SLCO2A1: variants seen among roughly 807,000 people sequenced by gnomAD.
SLCO2A1 encodes matrin F/G 1.
In SLCO2A1, 60 loss-of-function variants were observed where a neutral mutation model predicts 71.7. That is an observed-to-expected ratio of 0.84 (90% CI 0.68 to 1.04). The LOEUF (loss-of-function observed/expected upper bound fraction) is 1.04. SLCO2A1 is among the 50% of genes least tolerant of loss of function. The pLI is 0.00. For missense variants in SLCO2A1, 745 were observed against 813.4 expected, an observed-to-expected ratio of 0.92 and a Z score of 1.02; for synonymous variants, 308 against 326.7, an observed-to-expected ratio of 0.94 and a Z score of 0.62.
At chr3:133,945,307 G>T in intron 9 of SLCO2A1, 47 bp from the exon 10 acceptor site, 1 of 1,554,788 alleles carries the variant, frequency 6.4e-7, no homozygotes, top group Non-Finnish European at 8.7e-7. Context: ...CAAGACCAAA[G>T]AAAAACCCTA....
chr3:133,941,317 T>C (rs1459554382), intron 11 of SLCO2A1, among the ~76,000 whole-genome samples: 2 of 152,186 alleles, frequency 1.3e-5, no homozygotes, highest in Non-Finnish European at 2.9e-5. Flanking sequence ...AACCAATATG[T>C]AGAACACCTT....
intron 3 of SLCO2A1, chr3:133,955,412 G>T: frequency 1.8e-6 from 1 of 562,674 alleles, no homozygotes; most frequent in Non-Finnish European, 3.1e-6. Flanking sequence ...TGGAATGTGG[G>T]CTCCCCGGCC....
At chr3:133,988,780 C>T (rs1934769624) in intron 1 of SLCO2A1, among the ~76,000 whole-genome samples, 1 of 152,234 alleles carries the variant, frequency 6.6e-6, no homozygotes, top group African/African-American at 2.4e-5. Flanking sequence ...ACATTCTGCT[C>T]TTCTGCTCTC....
At chr3:133,978,590 C>T (rs1242754001) in intron 2 of SLCO2A1, among the ~76,000 whole-genome samples, 1 of 152,038 alleles carries the variant, frequency 6.6e-6, no homozygotes, top group Non-Finnish European at 1.5e-5. Flanking sequence ...GGCCCGGGCT[C>T]TAAGTGACTG....
intron 2 of SLCO2A1, among the ~76,000 whole-genome samples, chr3:133,974,041 C>A (rs1934395783): frequency 6.6e-6 from 1 of 152,198 alleles, no homozygotes; most frequent in Admixed American, 6.5e-5. Flanking sequence ...TTATCAGAAA[C>A]CCTTCTGGGT....
intron 1 of SLCO2A1, among the ~76,000 whole-genome samples, chr3:134,011,299 T>G (rs1288751067): frequency 6.6e-6 from 1 of 152,226 alleles, no homozygotes; most frequent in East Asian, 1.9e-4. Context: ...TCCGCCCACC[T>G]TGGTCTCCCA....
intron 8 of SLCO2A1, among the ~76,000 whole-genome samples, chr3:133,948,093 G>A (rs1324458768): frequency 6.6e-6 from 1 of 152,172 alleles, no homozygotes; most frequent in African/African-American, 2.4e-5. Context: ...CTCCAGAGGA[G>A]CCTCTGGTGC....
chr3:133,961,596 G>A (rs1023203265), intron 3 of SLCO2A1, among the ~76,000 whole-genome samples: 5 of 152,182 alleles, frequency 3.3e-5, no homozygotes, highest in Non-Finnish European at 5.9e-5. Context: ...CTCATGCAGT[G>A]TTCAGGAGGT....
intron 3 of SLCO2A1, among the ~76,000 whole-genome samples, chr3:133,969,106 T>C (rs1934263582): frequency 6.6e-6 from 1 of 152,122 alleles, no homozygotes; most frequent in South Asian, 2.1e-4. Context: ...GTAGCAGATT[T>C]CAAATACCAC....
chr3:134,003,439 T>C (rs950100069), intron 1 of SLCO2A1, among the ~76,000 whole-genome samples: 1 of 152,136 alleles, frequency 6.6e-6, no homozygotes, highest in Admixed American at 6.5e-5. Context: ...TGGCAGAATT[T>C]GTGTATAGGA....
intron 1 of SLCO2A1, among the ~76,000 whole-genome samples, chr3:133,984,988 G>A (rs978161902): frequency 6.6e-6 from 1 of 152,074 alleles, no homozygotes; most frequent in Non-Finnish European, 1.5e-5. Flanking sequence ...CCACCTGCCC[G>A]TCCCACACCT....
chr3:134,000,342 T>G (rs1935082687), intron 1 of SLCO2A1, among the ~76,000 whole-genome samples: 1 of 151,282 alleles, frequency 6.6e-6, no homozygotes, highest in Admixed American at 6.6e-5. Context: ...AGAGAGGAGG[T>G]CACTGAGGAG....
rs763818171 is a variant in SLCO2A1, at chr3:133,933,911, C to T, written c.*802G>A. 1.3e-5 allele frequency: 2 copies of T among 152,204 alleles called. No homozygotes were observed. The highest frequency in any genetic ancestry group is 2.4e-5 in the African/African-American group (1 of 41,420). 9.4% of individuals were successfully genotyped at this position (152,204 alleles called of 1,614,324 possible). The stretch of plus-strand genomic sequence containing the variant: ...CATCAGGACCTTTTCATAGGCCTTC[C>T]TTGGGTCTTCACTGTGTTGTAGCTT... On this transcript the variant is annotated 3_prime_UTR_variant, in exon 14 of 14. Coordinates refer to ENST00000310926, the MANE Select transcript of SLCO2A1 (RefSeq NM_005630.3).
chr3:133,992,811 T>C (rs1371814292), intron 1 of SLCO2A1, among the ~76,000 whole-genome samples: 5 of 152,196 alleles, frequency 3.3e-5, no homozygotes, highest in Non-Finnish European at 5.9e-5. Flanking sequence ...CAGCTCCCCT[T>C]CCAGCTGAGC....
At chr3:133,960,798 A>C (rs545056457) in intron 3 of SLCO2A1, among the ~76,000 whole-genome samples, 111 of 152,336 alleles carry the variant, frequency 7.3e-4, no homozygotes, top group Middle Eastern at 3.4e-3. Flanking sequence ...GAGAGGCAGC[A>C]GACCCAGTGT....
At chr3:134,027,118 A>G (rs1180148646) in intron 1 of SLCO2A1, among the ~76,000 whole-genome samples, 1 of 152,224 alleles carries the variant, frequency 6.6e-6, no homozygotes, top group Non-Finnish European at 1.5e-5. Context: ...TTGCAAGAAG[A>G]CACAGGTAGT....
At position 134,010,320 on chromosome 3, in the gene SLCO2A1, G is replaced by T. The variant is rs554839892; in HGVS notation, c.96+19387C>A. On this transcript the variant is annotated intron_variant, in intron 1 of 13. Coordinates refer to ENST00000310926, the MANE Select transcript of SLCO2A1 (RefSeq NM_005630.3). The stretch of plus-strand genomic sequence containing the variant: ...AATTGACTCAAAGTTCCACATGACT[G>T]GGGAGGCCTCAGGAAACTTACAATC... Among the ~76,000 whole-genome samples, 6 of 152,246 alleles carry T rather than the reference G, an allele frequency of 3.9e-5. No homozygotes were observed. In the South Asian group the frequency reaches 8.3e-4, roughly 21 times the overall value.
intron 1 of SLCO2A1, among the ~76,000 whole-genome samples, chr3:134,021,101 T>C (rs1057317836): frequency 2.0e-5 from 3 of 152,230 alleles, no homozygotes; most frequent in African/African-American, 7.2e-5. Context: ...GGCTTGGATT[T>C]CTGGATACTC....
At chr3:134,023,977 G>T (rs544032871) in intron 1 of SLCO2A1, among the ~76,000 whole-genome samples, 1 of 152,224 alleles carries the variant, frequency 6.6e-6, no homozygotes, top group East Asian at 1.9e-4. Flanking sequence ...TCCAGCCTCC[G>T]TTTCCCAACA....
Sources: gnomAD v4.1 joint callset for allele counts (sites outside exome capture counted in the v4.1 genomes callset) on GRCh38, gnomAD v4.1.1 for gene constraint, MANE v1.5 for transcripts, NCBI Gene and HGNC (gene_info 2026-07-23, HGNC 2026-07-21) for gene names.